OPCML: variants seen among roughly 807,000 people sequenced by gnomAD.
OPCML encodes opioid binding protein/cell adhesion molecule like.
OPCML carries 13 observed loss-of-function variants against 37.8 expected under a neutral mutation model. That is an observed-to-expected ratio of 0.34 (90% confidence interval 0.22 to 0.55). The LOEUF is 0.55. OPCML is among the 20% of genes least tolerant of loss of function. OPCML has a pLI of 0.91. For synonymous variants in OPCML, 176 were observed against 168.8 expected, an observed-to-expected ratio of 1.04 and a Z score of -0.33; for missense variants, 341 against 435.6, an observed-to-expected ratio of 0.78 and a Z score of 1.93.
In OPCML at chr11:132,436,606, G is replaced by A; in HGVS notation, c.764+53C>T. 2.5e-6 allele frequency: 4 copies of A among 1,603,714 alleles called. No homozygotes were observed. The Admixed American group carries it at 6.7e-5, about 27-fold the overall frequency. On this transcript the variant is annotated intron_variant, in intron 6 of 7. Coordinates refer to ENST00000524381, the MANE Select transcript of OPCML (RefSeq NM_001012393.5). ...TCATCCTCATCCTTCTCCCATGTGGGGATAGACCATCAGCTCTGCTTCAGA... is the reference window on the plus strand; with the variant it reads ...TCATCCTCATCCTTCTCCCATGTGGAGATAGACCATCAGCTCTGCTTCAGA...
chr11:132,920,289 G>A (rs1317016144), intron 2 of OPCML, among the ~76,000 whole-genome samples: 1 of 152,180 alleles, frequency 6.6e-6, no homozygotes, highest in Non-Finnish European at 1.5e-5. Context: ...ACACTTCACA[G>A]GACAAAACTA....
At chr11:132,792,078 TATAAA>T (rs1937953684) in intron 2 of OPCML, among the ~76,000 whole-genome samples, 2 of 152,276 alleles carry the variant, frequency 1.3e-5, no homozygotes, top group South Asian at 4.1e-4. Flanking sequence ...TTTACTTGGT[TATAAA>T]AGTACAATGG....
intron 1 of OPCML, among the ~76,000 whole-genome samples, chr11:133,280,609 T>C (rs1942119125): frequency 1.3e-5 from 2 of 152,208 alleles, no homozygotes; most frequent in Admixed American, 6.5e-5. Flanking sequence ...AGGTACTATG[T>C]GTGAATAATT....
intron 1 of OPCML, among the ~76,000 whole-genome samples, chr11:132,961,311 T>A (rs866353485): frequency 3.0e-4 from 45 of 152,054 alleles, no homozygotes; most frequent in Non-Finnish European, 4.3e-4. Context: ...TCTTAAATTT[T>A]AAAAAAAAGT....
chr11:133,485,540 T>C (rs886100532), intron 1 of OPCML, among the ~76,000 whole-genome samples: 2 of 152,188 alleles, frequency 1.3e-5, no homozygotes, highest in African/African-American at 4.8e-5. Flanking sequence ...TCAAGTTTCT[T>C]TCTGTACCAG....
intron 1 of OPCML, among the ~76,000 whole-genome samples, chr11:133,182,472 G>A (rs992063556): frequency 6.6e-6 from 1 of 152,048 alleles, no homozygotes; most frequent in Non-Finnish European, 1.5e-5. Flanking sequence ...TGTTCTCCAA[G>A]GATAACATGA....
intron 2 of OPCML, among the ~76,000 whole-genome samples, chr11:132,727,817 T>A (rs1470958622): frequency 6.6e-6 from 1 of 152,124 alleles, no homozygotes; most frequent in Admixed American, 6.5e-5. Context: ...TTCTAAAAAA[T>A]TTCACCCTTA....
At chr11:133,431,038 C>T (rs907470084) in intron 1 of OPCML, among the ~76,000 whole-genome samples, 3 of 151,818 alleles carry the variant, frequency 2.0e-5, no homozygotes, top group Admixed American at 1.3e-4. Flanking sequence ...AACACAGAGG[C>T]AAAAAAGCAT....
chr11:133,419,436 A>G, intron 1 of OPCML: 1 of 603,470 alleles, frequency 1.7e-6, no homozygotes, highest in Non-Finnish European at 2.1e-6. Flanking sequence ...AAATACAACC[A>G]CTAATAAAAG....
At chr11:133,477,461 A>G (rs1947268244) in intron 1 of OPCML, among the ~76,000 whole-genome samples, 1 of 152,252 alleles carries the variant, frequency 6.6e-6, no homozygotes, top group South Asian at 2.1e-4. Flanking sequence ...CAGTGGGTGG[A>G]AAATGCACAT....
At chr11:132,511,360 A>G (rs1013174111) in intron 4 of OPCML, among the ~76,000 whole-genome samples, 1 of 152,214 alleles carries the variant, frequency 6.6e-6, no homozygotes, top group Non-Finnish European at 1.5e-5. Flanking sequence ...AAATTAACAT[A>G]TAATTTAAAT....
intron 2 of OPCML, among the ~76,000 whole-genome samples, chr11:132,901,983 G>T (rs1474140093): frequency 6.6e-6 from 1 of 152,164 alleles, no homozygotes; most frequent in African/African-American, 2.4e-5. Context: ...CCCACCACCG[G>T]TGTTTGCGTC....
chr11:132,530,857 T>C (rs773089540), intron 3 of OPCML, among the ~76,000 whole-genome samples: 1 of 152,126 alleles, frequency 6.6e-6, no homozygotes, highest in Non-Finnish European at 1.5e-5. Flanking sequence ...CTATAACTTT[T>C]CTATTCCTTG....
At chr11:132,971,785 C>T (rs982181840) in intron 1 of OPCML, among the ~76,000 whole-genome samples, 9 of 152,132 alleles carry the variant, frequency 5.9e-5, no homozygotes, top group African/African-American at 2.2e-4. Context: ...TTCCCTCCCG[C>T]CTCCAAACCA....
chr11:132,681,628 T>G (rs1008287443), intron 2 of OPCML, among the ~76,000 whole-genome samples: 2 of 152,118 alleles, frequency 1.3e-5, no homozygotes, highest in African/African-American at 4.8e-5. Flanking sequence ...TCCTCCGGGA[T>G]GCCGGACAAG....
In OPCML at chr11:133,317,153, C is replaced by T. The variant is rs567013465; in HGVS notation, c.61+215111G>A. ...CGGAGGTTGCAGTGAGCCAAGATCACACTGCTGCACTCCAGCCTGGGTGAC... is the reference window on the plus strand; with the variant it reads ...CGGAGGTTGCAGTGAGCCAAGATCATACTGCTGCACTCCAGCCTGGGTGAC... On this transcript the variant is annotated intron_variant, in intron 1 of 7. Transcript: ENST00000524381. Among the ~76,000 whole-genome samples the T allele has an allele frequency of 4.8e-4, 73 of 152,298 alleles. No individual in the cohort carries two copies. In the South Asian group the frequency reaches 0.015, roughly 31 times the overall value.
chr11:133,291,869 C>A (rs555379807), intron 1 of OPCML, among the ~76,000 whole-genome samples: 1 of 152,214 alleles, frequency 6.6e-6, no homozygotes, highest in African/African-American at 2.4e-5. Flanking sequence ...ACACACCAAG[C>A]CTCCCACCCC....
intron 3 of OPCML, among the ~76,000 whole-genome samples, chr11:132,546,318 A>T (rs1591532793): frequency 6.6e-6 from 1 of 152,154 alleles, no homozygotes; most frequent in East Asian, 1.9e-4. Flanking sequence ...GGGGGGGAAC[A>T]GGTGGTGTTT....
intron 2 of OPCML, among the ~76,000 whole-genome samples, chr11:132,828,953 T>A (rs1173240581): frequency 6.6e-6 from 1 of 152,200 alleles, no homozygotes; most frequent in African/African-American, 2.4e-5. Context: ...GTGAAGAGTA[T>A]TCTCCTTTGA....
Sources: allele counts gnomAD v4.1 joint callset (sites outside exome capture counted in the v4.1 genomes callset), GRCh38; gene constraint gnomAD v4.1.1; transcripts MANE v1.5; gene names NCBI Gene and HGNC (gene_info 2026-07-23, HGNC 2026-07-21).